Variants in GRAMD1B observed in about 807,000 individuals in gnomAD.
GRAMD1B encodes the protein GRAM domain containing 1B.
In GRAMD1B, 37 loss-of-function variants were observed where a neutral mutation model predicts 99.7. That is an observed-to-expected ratio of 0.37 (90% CI 0.29 to 0.49). The LOEUF (loss-of-function observed/expected upper bound fraction) is 0.49, where lower values mean the gene tolerates loss of function less well. Ranked by LOEUF, GRAMD1B falls within the 20% of genes least tolerant of loss-of-function variation. GRAMD1B has a pLI of 0.98. For synonymous variants in GRAMD1B, 427 were observed against 387.6 expected (o/e 1.10, Z -1.19); for missense variants, 888 against 1,009.2 (o/e 0.88, Z 1.63).
At chr11:123,523,923 A>C (rs1276070782) in intron 2 of GRAMD1B, among the ~76,000 whole-genome samples, 1 of 152,232 alleles carries the variant, frequency 6.6e-6, no homozygotes, top group Non-Finnish European at 1.5e-5. Flanking sequence ...TTTGTCTGGC[A>C]TGGGGCTATG....
intron 1 of GRAMD1B, among the ~76,000 whole-genome samples, chr11:123,399,759 C>T (rs1947594260): frequency 6.6e-6 from 1 of 152,040 alleles, no homozygotes; most frequent in Non-Finnish European, 1.5e-5. Flanking sequence ...AAATGTGCAC[C>T]ACCCACCACG....
chr11:123,520,496 C>T (rs934060763), intron 2 of GRAMD1B, among the ~76,000 whole-genome samples: 3 of 151,934 alleles, frequency 2.0e-5, no homozygotes, highest in Admixed American at 6.6e-5. Context: ...TATAGGGGGG[C>T]GCGATGGCTC....
At chr11:123,481,330 C>G (rs910652585) in intron 2 of GRAMD1B, among the ~76,000 whole-genome samples, 2 of 152,106 alleles carry the variant, frequency 1.3e-5, no homozygotes, top group African/African-American at 4.8e-5. Context: ...TGGCATGTGC[C>G]TCTAATTCCA....
intron 2 of GRAMD1B, among the ~76,000 whole-genome samples, chr11:123,506,680 C>T (rs891033563): frequency 6.6e-6 from 1 of 152,118 alleles, no homozygotes; most frequent in African/African-American, 2.4e-5. Context: ...AGATCAAGTC[C>T]TTTCTGGTTA....
intron 2 of GRAMD1B, among the ~76,000 whole-genome samples, chr11:123,526,663 AG>A (rs1377838788): frequency 6.6e-6 from 1 of 152,032 alleles, no homozygotes; most frequent in East Asian, 1.9e-4. Context: ...CATCCCTCTG[AG>A]GGGCCAGGCT....
At chr11:123,446,989 G>A (rs1407231579) in intron 1 of GRAMD1B, among the ~76,000 whole-genome samples, 3 of 152,112 alleles carry the variant, frequency 2.0e-5, no homozygotes, top group Non-Finnish European at 2.9e-5. Context: ...AGAAAGGCAG[G>A]AAAGGCAAGA....
intron 1 of GRAMD1B, among the ~76,000 whole-genome samples, chr11:123,366,811 G>A (rs1320594841): frequency 1.3e-5 from 2 of 152,184 alleles, no homozygotes; most frequent in Non-Finnish European, 2.9e-5. Context: ...TGTAGACAGG[G>A]TGTAATGTGT....
intron 1 of GRAMD1B, among the ~76,000 whole-genome samples, chr11:123,463,104 G>T (rs1950514880): frequency 6.6e-6 from 1 of 152,160 alleles, no homozygotes; most frequent in South Asian, 2.1e-4. Flanking sequence ...TGCCTCCTAG[G>T]TTCAAGTGAT....
At chr11:123,459,632 A>T (rs1447905058) in intron 1 of GRAMD1B, 2 of 152,188 alleles carry the variant, frequency 1.3e-5, no homozygotes, top group East Asian at 3.9e-4. Flanking sequence ...TATTTTCTTC[A>T]AATACTGACT....
At chr11:123,414,058 T>TC (rs1199166524) in intron 1 of GRAMD1B, among the ~76,000 whole-genome samples, 4 of 151,926 alleles carry the variant, frequency 2.6e-5, no homozygotes. Context: ...TTTTTTTTTT[T>TC]TTTTGAGACA....
intron 1 of GRAMD1B, among the ~76,000 whole-genome samples, chr11:123,477,320 T>TCCC (rs1425752289): frequency 9.3e-6 from 1 of 107,880 alleles, no homozygotes; most frequent in Non-Finnish European, 1.9e-5. Flanking sequence ...TCCCCTCTCC[T>TCCC]CCCCTCCCCT....
At chr11:123,618,644 C>A in intron 17 of GRAMD1B, 49 bp from the exon 18 acceptor site, 1 of 1,044,848 alleles carries the variant, frequency 9.6e-7, no homozygotes, top group Middle Eastern at 2.0e-4. Flanking sequence ...GTCCTAGGCT[C>A]AGGTGACATC....
chr11:123,466,118 A>G (rs1950645026), intron 1 of GRAMD1B, among the ~76,000 whole-genome samples: 1 of 152,078 alleles, frequency 6.6e-6, no homozygotes, highest in African/African-American at 2.4e-5. Context: ...TCTGCTAAAA[A>G]TACAAAAATT....
chr11:123,549,244 G>A (rs1231983588), intron 2 of GRAMD1B, among the ~76,000 whole-genome samples: 1 of 152,140 alleles, frequency 6.6e-6, no homozygotes, highest in Admixed American at 6.5e-5. Context: ...AGAGCTGTGA[G>A]ATGAAGAATG....
chr11:123,422,689 A>G (rs1464587518), intron 1 of GRAMD1B, among the ~76,000 whole-genome samples: 2 of 152,214 alleles, frequency 1.3e-5, no homozygotes, highest in Non-Finnish European at 2.9e-5. Context: ...AAAGGCCGAG[A>G]AGCGATCAAA....
intron 1 of GRAMD1B, among the ~76,000 whole-genome samples, chr11:123,448,039 AAAAG>A (rs1160078604): frequency 6.6e-6 from 1 of 152,052 alleles, no homozygotes; most frequent in Admixed American, 6.5e-5. Flanking sequence ...TATTTAAAAA[AAAAG>A]AGAGAGAGAG....
At position 123,480,812 on chromosome 11, in the gene GRAMD1B, T is replaced by C. The variant is rs1282503741; in HGVS notation, c.375-4T>C. On this transcript the variant is annotated splice_polypyrimidine_tract_variant and splice_region_variant and intron_variant, in intron 1 of 19. Coordinates refer to ENST00000635736, the MANE Select transcript of GRAMD1B (RefSeq NM_001387025.1). ...AACGGTTGATATCCTATGTCTTTCC[T>C]CAGCAGCCAACAGAGCAGTCAGCAG... is the stretch of plus-strand genomic sequence containing the variant. 1.0e-5 allele frequency: 4 copies of C among 398,756 alleles called. No homozygotes were observed. The Admixed American group carries it at 1.8e-4, about 18-fold the overall frequency. The allele number at this position is 398,756 out of a possible 1,614,324, so 24.7% of individuals were successfully genotyped here.
chr11:123,594,712 C>G (rs1165338294), intron 5 of GRAMD1B, 23 bp from the exon 6 acceptor site: 1 of 1,271,890 alleles, frequency 7.9e-7, no homozygotes, highest in Non-Finnish European at 1.2e-6. Flanking sequence ...CTCTGAGCTC[C>G]CCTACCTCCG....
rs189469149 is a variant in GRAMD1B, at chr11:123,404,206, C to T, written c.-176+45407C>T. On this transcript the variant is annotated intron_variant, in intron 1 of 20. Transcript: ENST00000638157. ...TTCTCTCATTGAGAAGCACGTAATG[C>T]CTGATTGTCTCTCTTTTTGTGGCGT... 2.0e-4 allele frequency among the ~76,000 whole-genome samples: 31 copies of T among 152,312 alleles called. No individual in the cohort carries two copies. The East Asian group carries it at 5.8e-3, about 28-fold the overall frequency.
Sources: allele counts gnomAD v4.1 joint callset (sites outside exome capture counted in the v4.1 genomes callset), GRCh38; gene constraint gnomAD v4.1.1; transcripts MANE v1.5; gene names NCBI Gene and HGNC (gene_info 2026-07-23, HGNC 2026-07-21).